Variants in NRG3 observed in about 807,000 individuals in gnomAD.
NRG3 encodes the protein neuregulin 3, also known as pro-neuregulin-3, membrane-bound isoform.
Under a neutral mutation model 66.9 loss-of-function variants are expected in NRG3, and 31 were observed. The observed-to-expected ratio is 0.46, with a 90% CI of 0.35 to 0.63. The LOEUF (loss-of-function observed/expected upper bound fraction) is 0.63. Ranked by LOEUF, NRG3 falls within the 20% of genes least tolerant of loss-of-function variation. The pLI is 0.00. For synonymous variants in NRG3, 393 were observed against 359.4 expected, an observed-to-expected ratio of 1.09 and a Z score of -1.06; for missense variants, 910 against 878.9, an observed-to-expected ratio of 1.04 and a Z score of -0.45.
At chr10:82,511,053 A>G (rs1845120045) in intron 2 of NRG3, among the ~76,000 whole-genome samples, 2 of 152,194 alleles carry the variant, frequency 1.3e-5, no homozygotes, top group Admixed American at 1.3e-4. Flanking sequence ...TCTGCATGTT[A>G]GCCTGTTGCA....
chr10:82,111,056 G>A (rs1482373061), intron 1 of NRG3, among the ~76,000 whole-genome samples: 1 of 152,164 alleles, frequency 6.6e-6, no homozygotes, highest in Non-Finnish European at 1.5e-5. Flanking sequence ...TGTAAGAAAA[G>A]AGAGCATTCT....
intron 2 of NRG3, among the ~76,000 whole-genome samples, chr10:82,571,116 A>C (rs1327786443): frequency 2.0e-5 from 3 of 151,468 alleles, no homozygotes; most frequent in African/African-American, 7.3e-5. Context: ...TATTTTCTCT[A>C]TGTCTTCTAG....
At chr10:82,932,538 T>G (rs1271743876) in intron 4 of NRG3, among the ~76,000 whole-genome samples, 2 of 152,128 alleles carry the variant, frequency 1.3e-5, no homozygotes, top group African/African-American at 4.8e-5. Flanking sequence ...GTAGTGTATG[T>G]GGATGGCATA....
chr10:82,149,084 T>A (rs1590303236), intron 1 of NRG3, among the ~76,000 whole-genome samples: 1 of 145,816 alleles, frequency 6.9e-6, no homozygotes, highest in South Asian at 2.2e-4. Context: ...GTTTTTTTTT[T>A]AAGCATCAAG....
chr10:82,726,933 G>A (rs2057634921), intron 2 of NRG3, among the ~76,000 whole-genome samples: 1 of 152,158 alleles, frequency 6.6e-6, no homozygotes, highest in Non-Finnish European at 1.5e-5. Context: ...GGGAACTAGA[G>A]CAAAGCTGCC....
intron 1 of NRG3, among the ~76,000 whole-genome samples, chr10:81,965,324 T>C (rs1421233138): frequency 6.6e-6 from 1 of 152,246 alleles, no homozygotes; most frequent in Admixed American, 6.5e-5. Context: ...ATGTGGGGAC[T>C]TAGACAAATT....
intron 2 of NRG3, among the ~76,000 whole-genome samples, chr10:82,680,254 A>T (rs1348370211): frequency 2.0e-5 from 3 of 152,208 alleles, no homozygotes; most frequent in Non-Finnish European, 4.4e-5. Context: ...ATAACTGCTA[A>T]GGTGAAATTT....
At chr10:82,003,538 G>A (rs1004505184) in intron 1 of NRG3, among the ~76,000 whole-genome samples, 1 of 152,156 alleles carries the variant, frequency 6.6e-6, no homozygotes, top group African/African-American at 2.4e-5. Flanking sequence ...AAAACCAGGA[G>A]ACTGTACTGT....
intron 3 of NRG3, among the ~76,000 whole-genome samples, chr10:82,753,999 A>G (rs919522287): frequency 1.3e-5 from 2 of 151,546 alleles, no homozygotes; most frequent in Non-Finnish European, 2.9e-5. Context: ...TAATATTTCT[A>G]TCTAAAAATT....
At chr10:81,878,571 A>C (rs1249698326) in intron 1 of NRG3, among the ~76,000 whole-genome samples, 2 of 152,182 alleles carry the variant, frequency 1.3e-5, no homozygotes, top group Admixed American at 1.3e-4. Context: ...AGGATGAAAA[A>C]AGCCTGAATC....
chr10:81,906,448 C>G (rs945848374), intron 1 of NRG3, among the ~76,000 whole-genome samples: 2 of 152,094 alleles, frequency 1.3e-5, no homozygotes, highest in Non-Finnish European at 2.9e-5. Context: ...AAGGATGTAG[C>G]ATTTGAGAAA....
chr10:81,972,337 A>G (rs6584426), intron 1 of NRG3, among the ~76,000 whole-genome samples: 69,575 of 152,006 alleles, frequency 0.46, 20,141 homozygotes, highest in African/African-American at 0.79. Flanking sequence ...GTGGGGAAAT[A>G]TGATCCATAT....
At chr10:82,413,711 T>C (rs2088304688) in intron 2 of NRG3, among the ~76,000 whole-genome samples, 1 of 152,186 alleles carries the variant, frequency 6.6e-6, no homozygotes, top group Non-Finnish European at 1.5e-5. Context: ...TCATCAATTA[T>C]CTTAGCTAGA....
rs10629762 is a variant in NRG3, at chr10:81,918,972, A to ACACACACAC, written c.823+42809_823+42810insCACACACAC. On this transcript the variant is annotated intron_variant, in intron 1 of 8. Coordinates refer to ENST00000372141, the MANE Select transcript of NRG3 (RefSeq NM_001010848.4). The stretch of plus-strand genomic sequence containing the variant: ...TCATTAACTACTATTGCATCATAAC[A>ACACACACAC]AAACACACACACACACACACACATA... 5.7e-3 allele frequency among the ~76,000 whole-genome samples: 738 copies of ACACACACAC among 129,556 alleles called. 7 individuals are homozygous for ACACACACAC. Among genetic ancestry groups the ACACACACAC allele is most frequent in the African/African-American group, 0.025 (704 of 28,304 alleles). The allele number at this position is 129,556 out of a possible 152,430, so 85.0% of individuals were successfully genotyped here.
At chr10:82,920,153 A>G (rs1846281602) in intron 4 of NRG3, among the ~76,000 whole-genome samples, 1 of 152,186 alleles carries the variant, frequency 6.6e-6, no homozygotes, top group Non-Finnish European at 1.5e-5. Flanking sequence ...CTGAAAAACT[A>G]GAGGCTGAAG....
chr10:82,728,455 C>T (rs543735638), intron 2 of NRG3, among the ~76,000 whole-genome samples: 6 of 152,278 alleles, frequency 3.9e-5, no homozygotes, highest in Admixed American at 3.9e-4. Flanking sequence ...CCTGCACAAG[C>T]TCTCTTTTTA....
At chr10:82,271,905 A>G (rs1225844229) in intron 1 of NRG3, among the ~76,000 whole-genome samples, 3 of 152,148 alleles carry the variant, frequency 2.0e-5, no homozygotes, top group African/African-American at 7.2e-5. Context: ...AAATATTGTA[A>G]TTTATTCGTT....
chr10:82,856,909 A>T (rs746833799), intron 3 of NRG3, among the ~76,000 whole-genome samples: 1 of 152,230 alleles, frequency 6.6e-6, no homozygotes, highest in South Asian at 2.1e-4. Context: ...ACCTGTACAC[A>T]GTTACTATCA....
chr10:82,565,888 G>A (rs536953376), intron 2 of NRG3, among the ~76,000 whole-genome samples: 1 of 152,052 alleles, frequency 6.6e-6, no homozygotes, highest in Non-Finnish European at 1.5e-5. Context: ...AAACACGCAG[G>A]CTTCTAATGA....
Sources: allele counts gnomAD v4.1 joint callset (sites outside exome capture counted in the v4.1 genomes callset), GRCh38; gene constraint gnomAD v4.1.1; transcripts MANE v1.5; gene names NCBI Gene and HGNC (gene_info 2026-07-23, HGNC 2026-07-21).